GRM3: variants seen among roughly 807,000 people sequenced by gnomAD.
GRM3 encodes metabotropic glutamate receptor 3.
A neutral mutation model predicts 70.5 loss-of-function variants in GRM3; 26 were observed. The ratio of observed to expected loss-of-function variants is 0.37; its 90% CI spans 0.27 to 0.51. The LOEUF is 0.51. Ranked by LOEUF, GRM3 falls within the 20% of genes least tolerant of loss-of-function variation. The pLI, the probability that GRM3 is intolerant of heterozygous loss-of-function variation, is 0.93. For missense variants in GRM3, 859 were observed against 1,123.8 expected, an observed-to-expected ratio of 0.76 and a Z score of 3.37; for synonymous variants, 443 against 434.9, an observed-to-expected ratio of 1.02 and a Z score of -0.23.
At chr7:86,797,044 T>G (rs551912842) in intron 3 of GRM3, among the ~76,000 whole-genome samples, 1 of 152,196 alleles carries the variant, frequency 6.6e-6, no homozygotes, top group Non-Finnish European at 1.5e-5. Context: ...GAATTGTGAG[T>G]CCATTCAACA....
At chr7:86,717,483 C>G (rs1795345224) in intron 1 of GRM3, among the ~76,000 whole-genome samples, 1 of 151,968 alleles carries the variant, frequency 6.6e-6, no homozygotes, top group African/African-American at 2.4e-5. Flanking sequence ...CTTCATCCAT[C>G]TCTCTTTACA....
intron 1 of GRM3, among the ~76,000 whole-genome samples, chr7:86,754,170 G>A (rs1307615883): frequency 6.6e-6 from 1 of 152,094 alleles, no homozygotes; most frequent in Non-Finnish European, 1.5e-5. Context: ...ATATACACAA[G>A]TTGACTTCTA....
chr7:86,780,340 A>G (rs913426696), intron 2 of GRM3, among the ~76,000 whole-genome samples: 1 of 152,230 alleles, frequency 6.6e-6, no homozygotes, highest in Non-Finnish European at 1.5e-5. Context: ...AACTTAAAGT[A>G]TAATTAAAAA....
chr7:86,851,986 T>C (rs1000812312), intron 5 of GRM3, among the ~76,000 whole-genome samples: 1 of 152,174 alleles, frequency 6.6e-6, no homozygotes, highest in Non-Finnish European at 1.5e-5. Flanking sequence ...GGCACCATGC[T>C]AAATACTTTA....
chr7:86,780,082 C>T lies in GRM3; in HGVS notation c.469-6179C>T, dbSNP rs532001991. Among the ~76,000 whole-genome samples, 3 of 152,256 alleles carry T rather than the reference C, an allele frequency of 2.0e-5. No homozygotes were observed. In the East Asian group the frequency reaches 5.8e-4, roughly 29 times the overall value. On this transcript the variant is annotated intron_variant, in intron 2 of 5. Coordinates refer to ENST00000361669, the MANE Select transcript of GRM3 (RefSeq NM_000840.3). Reference sequence around the variant, plus strand: ...CATTTTTTATGGCTGCATAGTATTCCGTGGTGTATATGTGTCACATTTTCT... The same window carrying T: ...CATTTTTTATGGCTGCATAGTATTCTGTGGTGTATATGTGTCACATTTTCT...
chr7:86,827,835 C>A (rs372624812), intron 3 of GRM3, among the ~76,000 whole-genome samples: 1 of 152,012 alleles, frequency 6.6e-6, no homozygotes. Flanking sequence ...AAATCCAGGC[C>A]GGTGCGGTGG....
chr7:86,818,426 T>C (rs1584262652), intron 3 of GRM3, among the ~76,000 whole-genome samples: 2 of 152,052 alleles, frequency 1.3e-5, no homozygotes, highest in South Asian at 2.1e-4. Flanking sequence ...GCTGGAGTCA[T>C]GTAGACCTGA....
intron 2 of GRM3, among the ~76,000 whole-genome samples, chr7:86,776,787 T>G (rs1184841500): frequency 6.6e-6 from 1 of 152,202 alleles, no homozygotes; most frequent in Non-Finnish European, 1.5e-5. Context: ...CTAACAGGTC[T>G]TTTGATGTCA....
intron 3 of GRM3, among the ~76,000 whole-genome samples, chr7:86,825,132 C>T (rs1371567072): frequency 1.3e-5 from 2 of 151,894 alleles, no homozygotes; most frequent in African/African-American, 4.8e-5. Context: ...TCTAGTATAC[C>T]CTGGTGTCTC....
At chr7:86,779,219 G>A (rs1796976466) in intron 2 of GRM3, among the ~76,000 whole-genome samples, 1 of 152,198 alleles carries the variant, frequency 6.6e-6, no homozygotes, top group South Asian at 2.1e-4. Flanking sequence ...GCAAGAATAA[G>A]GGAGCAAGTG....
intron 1 of GRM3, among the ~76,000 whole-genome samples, chr7:86,686,469 A>G (rs547990670): frequency 6.6e-6 from 1 of 152,232 alleles, no homozygotes; most frequent in East Asian, 1.9e-4. Context: ...GGTTGCAAAG[A>G]TATTTCAGAG....
rs770923411 is a variant in GRM3, at chr7:86,765,299, A to G, written c.154A>G (p.Thr52Ala). ...CCTGTTTCCTATTAACGAAAAAGGC[A>G]CTGGAACTGAAGAATGTGGGCGAAT... ...GGLFPINEKG[T>A]GTEECGRINE... The change falls in exon 2 of 6, where the codon ACT becomes GCT. Residue 52 changes from threonine to alanine, a missense_variant. Thr to Ala is a moderately conservative substitution (Grantham distance 58). Transcript: ENST00000361669. 1 of 1,613,880 alleles carries G rather than the reference A, an allele frequency of 6.2e-7. No homozygotes were observed. Among genetic ancestry groups the G allele is most frequent in the South Asian group, 1.1e-5 (1 of 91,080 alleles).
intron 1 of GRM3, among the ~76,000 whole-genome samples, chr7:86,721,787 T>A (rs1795470714): frequency 6.6e-6 from 1 of 152,026 alleles, no homozygotes; most frequent in South Asian, 2.1e-4. Flanking sequence ...GAGGCAAAAG[T>A]GAAAGGCTGA....
intron 1 of GRM3, among the ~76,000 whole-genome samples, chr7:86,676,396 A>G (rs985132452): frequency 4.6e-5 from 7 of 150,974 alleles, no homozygotes; most frequent in Admixed American, 2.7e-4. Flanking sequence ...AAAATTAACA[A>G]GGTAAAATAC....
At chr7:86,822,352 G>A (rs1054298928) in intron 3 of GRM3, among the ~76,000 whole-genome samples, 1 of 152,070 alleles carries the variant, frequency 6.6e-6, no homozygotes, top group African/African-American at 2.4e-5. Flanking sequence ...AATATATAAT[G>A]TGAGAGAAAG....
At chr7:86,723,050 C>A (rs1156372941) in intron 1 of GRM3, among the ~76,000 whole-genome samples, 1 of 151,938 alleles carries the variant, frequency 6.6e-6, no homozygotes, top group African/African-American at 2.4e-5. Context: ...ATTACTCATA[C>A]TATGGAATTT....
intron 1 of GRM3, among the ~76,000 whole-genome samples, chr7:86,756,649 T>C (rs1260124264): frequency 6.6e-6 from 1 of 152,172 alleles, no homozygotes; most frequent in South Asian, 2.1e-4. Context: ...TTACCTTTAC[T>C]TTAATCAATT....
intron 2 of GRM3, among the ~76,000 whole-genome samples, chr7:86,765,871 A>T (rs1440601088): frequency 6.6e-6 from 1 of 152,110 alleles, no homozygotes; most frequent in African/African-American, 2.4e-5. Context: ...AAATAAGAAT[A>T]TTATTTATTA....
intron 1 of GRM3, among the ~76,000 whole-genome samples, chr7:86,712,730 G>A (rs745419070): frequency 5.9e-5 from 9 of 151,912 alleles, no homozygotes; most frequent in African/African-American, 9.7e-5. Context: ...GAGAACATGC[G>A]ATATTTGTCT....
Sources: gnomAD v4.1 joint callset for allele counts (sites outside exome capture counted in the v4.1 genomes callset) on GRCh38, gnomAD v4.1.1 for gene constraint, MANE v1.5 for transcripts, NCBI Gene and HGNC (gene_info 2026-07-23, HGNC 2026-07-21) for gene names.